SLC12A9: variants seen among roughly 807,000 people sequenced by gnomAD.
SLC12A9 encodes the protein CCC-interacting protein 1.
SLC12A9 carries 55 observed loss-of-function variants against 66.0 expected under a neutral mutation model. The observed-to-expected ratio is 0.83, with a 90% CI of 0.67 to 1.04. The LOEUF (loss-of-function observed/expected upper bound fraction) is 1.04. SLC12A9 is among the 50% of genes least tolerant of loss of function. The pLI, the probability that SLC12A9 is intolerant of heterozygous loss-of-function variation, is 0.00. For missense variants in SLC12A9, 1,061 were observed against 1,241.9 expected (o/e 0.85, Z 2.19); for synonymous variants, 577 against 569.0 (o/e 1.01, Z -0.20).
rs536719213 is a variant in SLC12A9, at chr7:100,863,378, T to A, written c.1858+551T>A. On this transcript the variant is annotated intron_variant, in intron 13 of 13. Coordinates refer to ENST00000354161, the MANE Select transcript of SLC12A9 (RefSeq NM_020246.4). ...ACTGTGCCCAGCCTTTCCTTCTTTT[T>A]TTTTCTGATCCAAAAATTGGGGCAT... Among the ~76,000 whole-genome samples, 4 of 151,842 alleles carry A rather than the reference T, an allele frequency of 2.6e-5. No homozygotes were observed. The South Asian group carries it at 8.4e-4, about 32-fold the overall frequency.
rs1413136893 is a variant in SLC12A9 at position 100,866,449 on chromosome 7, C to A, written c.2589C>A (p.Gly863=). The part of the protein sequence containing the change: ...PGGPEGGDAE[G]PITALTFLYL... ...GGCCGGAGGGTGGGGATGCTGAGGG[C>A]CCCATCACAGCCCTCACCTTCCTGT... Residue 863 remains glycine, a synonymous_variant, in exon 14 of 14, where the codon GGC becomes GGA. Coordinates refer to ENST00000354161, the MANE Select transcript of SLC12A9 (RefSeq NM_020246.4). The surrounding 1 kb of genome is among the most constrained non-coding windows in gnomAD (Gnocchi z 7.3). The A allele has an allele frequency of 2.6e-6, 4 of 1,550,102 alleles. No individual in the cohort carries two copies. The highest frequency in any genetic ancestry group is 2.6e-6 in the Non-Finnish European group (3 of 1,147,178).
At chr7:100,858,662 C>A in intron 5 of SLC12A9, 173 bp from the exon 6 acceptor site, 1 of 600,692 alleles carries the variant, frequency 1.7e-6, no homozygotes, top group East Asian at 2.8e-5. Flanking sequence ...ACTGGGGGGA[C>A]GTGGCAATGT....
chr7:100,858,808 C>T (rs1814560943), intron 5 of SLC12A9, 27 bp from the exon 6 acceptor site: 1 of 1,609,912 alleles, frequency 6.2e-7, no homozygotes, highest in South Asian at 1.1e-5. Context: ...TGCTGATGCA[C>T]TCTCCTCCCT....
chr7:100,849,194 T>C (rs548575102), upstream of SLC12A9, among the ~76,000 whole-genome samples: 28 of 151,780 alleles, frequency 1.8e-4, 2 homozygotes, highest in African/African-American at 6.5e-4. Context: ...CCCAAAGTGC[T>C]GGGATTACAG....
chr7:100,858,974 T>C (rs1207638350), intron 6 of SLC12A9, 32 bp downstream of exon 6: 1 of 1,612,466 alleles, frequency 6.2e-7, no homozygotes. Context: ...CTCCTGGGGG[T>C]TTGGGGCTGC....
At chr7:100,834,989 A>T (rs1813620489) in intron 1 of SLC12A9, among the ~76,000 whole-genome samples, 2 of 151,900 alleles carry the variant, frequency 1.3e-5, no homozygotes, top group South Asian at 4.1e-4. Flanking sequence ...CGCCGTGATC[A>T]CACCACTGCA....
intron 1 of SLC12A9, among the ~76,000 whole-genome samples, chr7:100,833,395 G>A (rs1226286717): frequency 6.6e-6 from 1 of 152,108 alleles, no homozygotes; most frequent in African/African-American, 2.4e-5. Flanking sequence ...CTTGAATCCA[G>A]GAGGCAGAGG....
At chr7:100,828,865 T>C (rs1813484848) in intron 1 of SLC12A9, among the ~76,000 whole-genome samples, 1 of 152,068 alleles carries the variant, frequency 6.6e-6, no homozygotes, top group Admixed American at 6.6e-5. Flanking sequence ...CCCCTTCTAC[T>C]TCAGGGAACT....
intron 1 of SLC12A9, among the ~76,000 whole-genome samples, chr7:100,835,918 G>A (rs1016248056): frequency 1.3e-5 from 2 of 152,250 alleles, no homozygotes; most frequent in Non-Finnish European, 2.9e-5. Context: ...AGGAGAGAGA[G>A]GCTAAGGGGC....
At chr7:100,829,527 C>T (rs1262851062) in intron 1 of SLC12A9, among the ~76,000 whole-genome samples, 2 of 151,972 alleles carry the variant, frequency 1.3e-5, no homozygotes, top group Non-Finnish European at 2.9e-5. Context: ...GGGGGTGGGC[C>T]GGTCACCGAG....
chr7:100,862,543 C>G, intron 12 of SLC12A9, 138 bp from the exon 13 acceptor site: 1 of 1,009,534 alleles, frequency 9.9e-7, no homozygotes. Context: ...CCGACACCAG[C>G]CCCTCTGCCC....
intron 1 of SLC12A9, among the ~76,000 whole-genome samples, chr7:100,845,281 CAT>C (rs1813883686): frequency 6.7e-6 from 1 of 150,026 alleles, no homozygotes; most frequent in South Asian, 2.2e-4. Context: ...GATATGTGGA[CAT>C]AGAGCCTACG....
upstream of SLC12A9, among the ~76,000 whole-genome samples, chr7:100,850,917 A>G (rs1256609127): frequency 1.3e-5 from 2 of 151,948 alleles, no homozygotes; most frequent in Admixed American, 1.3e-4. Flanking sequence ...ATGGGGTATC[A>G]CCATGTTGGC....
At chr7:100,862,960 T>G in intron 13 of SLC12A9, 133 bp downstream of exon 13, 4 of 1,086,286 alleles carry the variant, frequency 3.7e-6, no homozygotes, top group Non-Finnish European at 5.3e-6. Context: ...GATAAGACAG[T>G]GCTCAAAGAT....
intron 1 of SLC12A9, among the ~76,000 whole-genome samples, chr7:100,837,816 T>G (rs1251109046): frequency 3.3e-5 from 5 of 151,882 alleles, no homozygotes; most frequent in Admixed American, 2.6e-4. Context: ...GAGCCAATTT[T>G]ATTTCATCTA....
Position 100,857,059 on chromosome 7 carries a change from G to A in SLC12A9, c.640G>A (p.Val214Met). 1 of 1,614,228 alleles carries A rather than the reference G, an allele frequency of 6.2e-7. No homozygotes were observed. The highest frequency in any genetic ancestry group is 1.1e-5 in the South Asian group (1 of 91,092). ...CTCTGTGCTCATCAGTTTTGTGGCT[G>A]TGGGGCCGAGGGACATCCGCTTGAC... ...LASVLISFVA[V>M]GPRDIRLTPR... Residue 214 changes from valine (V) to methionine (M), a missense_variant, in exon 5 of 14, where the codon GTG (valine) becomes ATG (methionine). Val to Met is a conservative substitution (Grantham distance 21). Coordinates refer to ENST00000354161, the MANE Select transcript of SLC12A9 (RefSeq NM_020246.4).
chr7:100,828,183 AGAG>A (rs1334189268), intron 1 of SLC12A9, among the ~76,000 whole-genome samples: 2 of 152,198 alleles, frequency 1.3e-5, no homozygotes, highest in African/African-American at 4.8e-5. Context: ...AAAAATGTCC[AGAG>A]GAGGCGCGCA....
intron 1 of SLC12A9, among the ~76,000 whole-genome samples, chr7:100,839,048 G>A (rs1813725550): frequency 1.3e-5 from 2 of 152,090 alleles, no homozygotes; most frequent in Admixed American, 1.3e-4. Flanking sequence ...GAATTGCCGG[G>A]CGCGGTGGCT....
At chr7:100,828,462 C>G (rs567739445) in intron 1 of SLC12A9, among the ~76,000 whole-genome samples, 2 of 144,650 alleles carry the variant, frequency 1.4e-5, no homozygotes, top group Non-Finnish European at 3.0e-5. Flanking sequence ...TTGCTTGAAC[C>G]GGGACCTAGG....
Sources: gnomAD v4.1 joint callset for allele counts (sites outside exome capture counted in the v4.1 genomes callset) on GRCh38, gnomAD v4.1.1 for gene constraint, Gnocchi (gnomAD v3.1) non-coding constraint, MANE v1.5 for transcripts, NCBI Gene and HGNC (gene_info 2026-07-23, HGNC 2026-07-21) for gene names.